Variants in USP8 observed in about 807,000 individuals in gnomAD.
USP8 encodes the protein ubiquitin carboxyl-terminal hydrolase 8.
A neutral mutation model predicts 130.0 loss-of-function variants in USP8; 27 were observed. The observed-to-expected ratio is 0.21, with a 90% CI of 0.15 to 0.29. The LOEUF is 0.29. Ranked by LOEUF, USP8 falls within the 10% of genes least tolerant of loss-of-function variation. The pLI, the probability that USP8 is intolerant of heterozygous loss-of-function variation, is 1.00. For missense variants in USP8, 1,029 were observed against 1,312.2 expected, an observed-to-expected ratio of 0.78 and a Z score of 3.33; for synonymous variants, 392 against 444.1, an observed-to-expected ratio of 0.88 and a Z score of 1.48.
intron 8 of USP8, among the ~76,000 whole-genome samples, chr15:50,472,422 C>A (rs1456070231): frequency 1.3e-5 from 2 of 150,346 alleles, no homozygotes; most frequent in African/African-American, 4.9e-5. Context: ...AGTGAAACCC[C>A]ATCTCTACTA....
intron 15 of USP8, chr15:50,493,840 G>A: frequency 1.5e-6 from 1 of 671,386 alleles, no homozygotes; most frequent in Admixed American, 2.0e-5. Flanking sequence ...ACTGGAGCCT[G>A]TTGATGATGA....
At chr15:50,495,491 G>T (rs993973777) in intron 16 of USP8, among the ~76,000 whole-genome samples, 3 of 148,790 alleles carry the variant, frequency 2.0e-5, no homozygotes, top group African/African-American at 7.6e-5. Context: ...ATTGGAGGGG[G>T]GGGTCTCACT....
In USP8 at chr15:50,509,314, C is replaced by T. The variant is rs1163982343; in HGVS notation, c.*10226C>T. ...CCTGGGAGACAGAGTGAGACCCTCT[C>T]TCAAAAATAGTAACTTGGACGTCAA... On this transcript the variant is annotated 3_prime_UTR_variant, in exon 20 of 20. Coordinates refer to ENST00000307179, the MANE Select transcript of USP8 (RefSeq NM_005154.5). The T allele has an allele frequency of 6.6e-6, 1 of 151,624 alleles. No individual in the cohort carries two copies. Among genetic ancestry groups the T allele is most frequent in the Non-Finnish European group, 1.5e-5 (1 of 68,012 alleles). The allele number at this position is 151,624 out of a possible 1,614,324, so 9.4% of individuals were successfully genotyped here. A position where few individuals can be genotyped will look rare whatever the true frequency, so the allele number is the denominator to read the frequency against.
chr15:50,448,235 A>G (rs747698423), intron 3 of USP8, among the ~76,000 whole-genome samples: 8 of 152,180 alleles, frequency 5.3e-5, no homozygotes, highest in Non-Finnish European at 7.3e-5. Flanking sequence ...AATTATGATT[A>G]TTATAATTTG....
Sources: gnomAD v4.1 joint callset for allele counts (sites outside exome capture counted in the v4.1 genomes callset) on GRCh38, gnomAD v4.1.1 for gene constraint, MANE v1.5 for transcripts, NCBI Gene and HGNC (gene_info 2026-07-23, HGNC 2026-07-21) for gene names.